Variants in TLR10 observed in about 807,000 individuals in gnomAD.
TLR10 encodes toll-like receptor 10.
For missense variants in TLR10, 929 were observed against 932.9 expected, an observed-to-expected ratio of 1.00 and a Z score of 0.05; for synonymous variants, 288 against 338.8, an observed-to-expected ratio of 0.85 and a Z score of 1.65.
Position 38,775,632 on chromosome 4 carries a change from G to A in TLR10, c.-42C>T, listed in dbSNP as rs910914487. Reference sequence around the variant, plus strand: ...TTACCACTTATTTCCTCATATGAATGATGAAGATGAGCTCAAAACCCTAAA... The same window carrying A: ...TTACCACTTATTTCCTCATATGAATAATGAAGATGAGCTCAAAACCCTAAA... On this transcript the variant is annotated 5_prime_UTR_variant, in exon 4 of 4. Transcript: ENST00000308973. The A allele has an allele frequency of 4.0e-6, 6 of 1,512,522 alleles. No homozygotes were observed. The highest frequency in any genetic ancestry group is 5.3e-6 in the Non-Finnish European group (6 of 1,126,576). 93.7% of individuals were successfully genotyped at this position (1,512,522 alleles called of 1,614,324 possible).
At position 38,775,212 on chromosome 4, in the gene TLR10, TA is replaced by T. The variant is rs752495057; in HGVS notation, c.378del (p.Phe126LeufsTer22). 1 of 1,612,852 alleles carries T rather than the reference TA, an allele frequency of 6.2e-7. No homozygotes were observed. The highest frequency in any genetic ancestry group is 8.5e-7 in the Non-Finnish European group (1 of 1,179,668). On this transcript the variant is annotated frameshift_variant, in exon 4 of 4. Transcript: ENST00000308973. LOFTEE classifies it low-confidence loss of function (END_TRUNC). The part of the protein sequence containing the change: ...LAGLRYLDLS[F>X]NDFDTMPICE... ...CAGATAGGCATGGTGTCAAAGTCAT[TA>T]AAAGAAAGATCTAAATACCTGAGAC...
At chr4:38,782,646 A>G (rs28393318) in intron 1 of TLR10, among the ~76,000 whole-genome samples, 44,301 of 152,110 alleles carry the variant, frequency 0.29, 7,123 homozygotes, top group Middle Eastern at 0.53. Context: ...CACAGTGCAT[A>G]GGACCGTTCA....
At chr4:38,781,832 T>C (rs1725431988) in intron 1 of TLR10, among the ~76,000 whole-genome samples, 1 of 152,218 alleles carries the variant, frequency 6.6e-6, no homozygotes, top group Non-Finnish European at 1.5e-5. Flanking sequence ...TTTTCAGTAT[T>C]TCCTACGTGT....
In TLR10 at chr4:38,774,769, A is replaced by G; in HGVS notation, c.822T>C (p.Phe274=). 6.2e-7 allele frequency: 1 copy of G among 1,602,218 alleles called. No homozygotes were observed. The highest frequency in any genetic ancestry group is 8.5e-7 in the Non-Finnish European group (1 of 1,176,266). Residue 274 remains phenylalanine, a synonymous_variant, in exon 4 of 4, where the codon TTT becomes TTC. Coordinates refer to ENST00000308973, the MANE Select transcript of TLR10 (RefSeq NM_030956.4). ...QFVWHTSVEH[F]QIRNVTFGGK... ...CACCAAAAGTCACATTTCGGATCTG[A>G]AAGTGTTCCACTGATGTATGCCAAA...
Position 38,775,775 on chromosome 4 carries a change from C to G in TLR10, c.-63G>C. ...CAAGAGGTTGGAGTAAGGTTCCAAC[C>G]TGTATATTGGGTCTTCGACTTGATC... On this transcript the variant is annotated splice_region_variant and 5_prime_UTR_variant, in exon 3 of 4. Coordinates refer to ENST00000308973, the MANE Select transcript of TLR10 (RefSeq NM_030956.4). 1.8e-6 allele frequency: 1 copy of G among 551,968 alleles called. No individual in the cohort carries two copies. The highest frequency in any genetic ancestry group is 3.1e-5 in the East Asian group (1 of 31,890). The allele number at this position is 551,968 out of a possible 1,614,324, so 34.2% of individuals were successfully genotyped here.
Position 38,772,862 on chromosome 4 carries a change from T to A in TLR10, c.*293A>T, listed in dbSNP as rs1050546257. Reference sequence around the variant, plus strand: ...GGTCTCCATCTCTTGACCTCGTGGGTCACCCACCTTGGCCTCCCATAGTGC... The same window carrying A: ...GGTCTCCATCTCTTGACCTCGTGGGACACCCACCTTGGCCTCCCATAGTGC... On this transcript the variant is annotated 3_prime_UTR_variant, in exon 4 of 4. Coordinates refer to ENST00000308973, the MANE Select transcript of TLR10 (RefSeq NM_030956.4). The A allele has an allele frequency of 7.0e-5, 13 of 184,776 alleles. No homozygotes were observed. Among genetic ancestry groups the A allele is most frequent in the Admixed American group, 1.2e-4 (2 of 16,684 alleles). The allele number at this position is 184,776 out of a possible 1,614,324, so 11.4% of individuals were successfully genotyped here.
rs763410751 is a variant in TLR10, at chr4:38,774,849, A to G, written c.742T>C (p.Leu248=). ...CAGAGTAAATCAACTTTATTAAGCA[A>G]TAGAACCGATGTCTTAGCATTTTCT... is the stretch of plus-strand genomic sequence containing the variant. The part of the protein sequence containing the change: ...SLENAKTSVL[L]LNKVDLLWDD... The change falls in exon 4 of 4, where the codon TTG becomes CTG. Residue 248 remains leucine (L), a synonymous_variant. Transcript: ENST00000308973. 13 of 1,601,372 alleles carry G rather than the reference A, an allele frequency of 8.1e-6. No individual in the cohort carries two copies. Among genetic ancestry groups the G allele is most frequent in the Non-Finnish European group, 1.0e-5 (12 of 1,174,600 alleles).
intron 1 of TLR10, among the ~76,000 whole-genome samples, chr4:38,779,722 C>T (rs1169340032): frequency 6.6e-6 from 1 of 152,104 alleles, no homozygotes; most frequent in African/African-American, 2.4e-5. Flanking sequence ...TAAAACTATA[C>T]ATTAAAATTC....
At position 38,776,252 on chromosome 4, in the gene TLR10, G is replaced by C. The variant is rs1314200124; in HGVS notation, c.-394C>G. The C allele has an allele frequency of 4.5e-6, 1 of 220,522 alleles. No homozygotes were observed. The highest frequency in any genetic ancestry group is 9.7e-6 in the Non-Finnish European group (1 of 102,830). The allele number at this position is 220,522 out of a possible 1,614,324, so 13.7% of individuals were successfully genotyped here. ...ATGTTGAAAAACAATTTCCAGGTGT[G>C]ACATGTTGCCAGCTTCTCCACAGAT... On this transcript the variant is annotated 5_prime_UTR_variant, in exon 2 of 4. It introduces an in-frame stop codon into an upstream open reading frame of the 5' UTR. Transcript: ENST00000308973.
rs1050455093 is a variant in TLR10, at chr4:38,773,924, G to A, written c.1667C>T (p.Pro556Leu). The change falls in exon 4 of 4, where the codon CCT becomes CTT. Residue 556 changes from proline to leucine, a missense_variant. Coordinates refer to ENST00000308973, the MANE Select transcript of TLR10 (RefSeq NM_030956.4). ...TAACCTAGTTCCCCTTAGGTTTAAA[G>A]GGTATTCACAGGTGTATGAATCTGA... ...GWSDSYTCEY[P>L]LNLRGTRLKD... is the part of the protein sequence containing the mutation. The A allele has an allele frequency of 6.3e-7, 1 of 1,589,008 alleles. No individual in the cohort carries two copies. The highest frequency in any genetic ancestry group is 2.2e-5 in the East Asian group (1 of 44,702).
rs199540767 is a variant in TLR10, at chr4:38,772,620, C to CTTTT, written c.*531_*534dup. 3 of 138,698 alleles carry CTTTT rather than the reference C, an allele frequency of 2.2e-5. No homozygotes were observed. Among genetic ancestry groups the CTTTT allele is most frequent in the Non-Finnish European group, 1.6e-5 (1 of 63,382 alleles). 8.6% of individuals were successfully genotyped at this position (138,698 alleles called of 1,614,324 possible). A position where few individuals can be genotyped will look rare whatever the true frequency, so the allele number is the denominator to read the frequency against. The stretch of plus-strand genomic sequence containing the variant: ...CCATGAGGATGTTTTCCATTTTTTT[C>CTTTT]TTTTTTTTTTTTCTTTTTTTTGAGA... On this transcript the variant is annotated 3_prime_UTR_variant, in exon 4 of 4. Transcript: ENST00000308973.
chr4:38,773,040 A>T lies in TLR10; in HGVS notation c.*115T>A. The T allele has an allele frequency of 9.7e-7, 1 of 1,032,658 alleles. No individual in the cohort carries two copies. Among genetic ancestry groups the T allele is most frequent in the Non-Finnish European group, 1.3e-6 (1 of 771,902 alleles). 64.0% of individuals were successfully genotyped at this position (1,032,658 alleles called of 1,614,324 possible). A position where few individuals can be genotyped will look rare whatever the true frequency, so the allele number is the denominator to read the frequency against. Reference sequence around the variant, plus strand: ...GAAATCCTTCTAGAAACTGATATGAAGGGAATAACCATTTTTTATTTTAAT... The same window carrying T: ...GAAATCCTTCTAGAAACTGATATGATGGGAATAACCATTTTTTATTTTAAT... On this transcript the variant is annotated 3_prime_UTR_variant, in exon 4 of 4. Coordinates refer to ENST00000308973, the MANE Select transcript of TLR10 (RefSeq NM_030956.4).
Position 38,773,050 on chromosome 4 carries a change from C to A in TLR10, c.*105G>T. The A allele has an allele frequency of 8.8e-7, 1 of 1,139,254 alleles. No homozygotes were observed. The highest frequency in any genetic ancestry group is 1.2e-6 in the Non-Finnish European group (1 of 864,684). 70.6% of individuals were successfully genotyped at this position (1,139,254 alleles called of 1,614,324 possible). A position where few individuals can be genotyped will look rare whatever the true frequency, so the allele number is the denominator to read the frequency against. ...TAGAAACTGATATGAAGGGAATAAC[C>A]ATTTTTTATTTTAATAAATATTGTC... On this transcript the variant is annotated 3_prime_UTR_variant, in exon 4 of 4. Transcript: ENST00000308973.
At position 38,772,909 on chromosome 4, in the gene TLR10, C is replaced by T. The variant is rs1474719756; in HGVS notation, c.*246G>A. On this transcript the variant is annotated 3_prime_UTR_variant, in exon 4 of 4. Coordinates refer to ENST00000308973, the MANE Select transcript of TLR10 (RefSeq NM_030956.4). Reference sequence around the variant, plus strand: ...GTGCTGGGATTACAAGAGTGAGCCACTGCACCTGGCCACATTTTTCATGAT... The same window carrying T: ...GTGCTGGGATTACAAGAGTGAGCCATTGCACCTGGCCACATTTTTCATGAT... 1 of 272,728 alleles carries T rather than the reference C, an allele frequency of 3.7e-6. No homozygotes were observed. Among genetic ancestry groups the T allele is most frequent in the Non-Finnish European group, 6.6e-6 (1 of 151,684 alleles). The allele number at this position is 272,728 out of a possible 1,614,324, so 16.9% of individuals were successfully genotyped here. A position where few individuals can be genotyped will look rare whatever the true frequency, so the allele number is the denominator to read the frequency against.
At position 38,775,210 on chromosome 4, in the gene TLR10, A is replaced by G; in HGVS notation, c.381T>C (p.Asn127=). 2 of 1,612,884 alleles carry G rather than the reference A, an allele frequency of 1.2e-6. No individual in the cohort carries two copies. The highest frequency in any genetic ancestry group is 1.3e-5 in the African/African-American group (1 of 74,902). ...AGLRYLDLSF[N]DFDTMPICEE... ...CACAGATAGGCATGGTGTCAAAGTC[A>G]TTAAAAGAAAGATCTAAATACCTGA... The change falls in exon 4 of 4, where the codon AAT becomes AAC. Residue 127 remains asparagine (N), a synonymous_variant. Coordinates refer to ENST00000308973, the MANE Select transcript of TLR10 (RefSeq NM_030956.4).
intron 1 of TLR10, among the ~76,000 whole-genome samples, 195 bp downstream of exon 1, chr4:38,782,726 G>T (rs531358324): frequency 6.9e-6 from 1 of 145,862 alleles, no homozygotes; most frequent in Non-Finnish European, 1.5e-5. Flanking sequence ...TCAAGCATCT[G>T]CAAGAAATTC....
In TLR10 at chr4:38,774,755, A is replaced by G. The variant is rs1477881465; in HGVS notation, c.836T>C (p.Val279Ala). The change falls in exon 4 of 4, where the codon GTG (valine) becomes GCG (alanine). Residue 279 changes from valine to alanine, a missense_variant. Transcript: ENST00000308973. ...TSVEHFQIRN[V>A]TFGGKAYLDH... The stretch of plus-strand genomic sequence containing the variant: ...AAGATAAGCCTTACCACCAAAAGTC[A>G]CATTTCGGATCTGAAAGTGTTCCAC... The G allele has an allele frequency of 6.2e-7, 1 of 1,602,092 alleles. No homozygotes were observed. Among genetic ancestry groups the G allele is most frequent in the East Asian group, 2.2e-5 (1 of 44,786 alleles).
At chr4:38,781,005 C>A (rs1340411546) in intron 1 of TLR10, among the ~76,000 whole-genome samples, 1 of 150,574 alleles carries the variant, frequency 6.6e-6, no homozygotes, top group African/African-American at 2.5e-5. Flanking sequence ...TGGAACTCTG[C>A]GCTGAGAAGT....
chr4:38,773,300 C>T lies in TLR10; in HGVS notation c.2291G>A (p.Cys764Tyr), dbSNP rs749057470. Residue 764 changes from cysteine (C) to tyrosine (Y), a missense_variant, in exon 4 of 4, where the codon TGT (cysteine) becomes TAT (tyrosine). Physicochemically the swap from Cys to Tyr is radical, Grantham distance 194 (BLOSUM62 -2). Coordinates refer to ENST00000308973, the MANE Select transcript of TLR10 (RefSeq NM_030956.4). ...YLEWPKDRRK[C>Y]GLFWANLRAA... ...TCGAAGGTTTGCCCAGAAAAGCCCA[C>T]ATTTACGCCTATCCTTGGGCCATTC... 1 of 1,613,104 alleles carries T rather than the reference C, an allele frequency of 6.2e-7. No homozygotes were observed. Among genetic ancestry groups the T allele is most frequent in the South Asian group, 1.1e-5 (1 of 90,810 alleles).
Sources: gnomAD v4.1 joint callset for allele counts (sites outside exome capture counted in the v4.1 genomes callset) on GRCh38, gnomAD v4.1.1 for gene constraint, MANE v1.5 for transcripts, NCBI Gene and HGNC (gene_info 2026-07-23, HGNC 2026-07-21) for gene names.